Variants in RIMS2 observed in about 807,000 individuals in gnomAD.
RIMS2 encodes the protein regulating synaptic membrane exocytosis 2, also known as regulating synaptic membrane exocytosis protein 2.
A neutral mutation model predicts 174.4 loss-of-function variants in RIMS2; 59 were observed. The ratio of observed to expected loss-of-function variants is 0.34; its 90% CI spans 0.27 to 0.42. The LOEUF is 0.42. Ranked by LOEUF, RIMS2 falls within the 10% of genes least tolerant of loss-of-function variation. The probability of loss-of-function intolerance (pLI) is 1.00; values close to 1 mark genes in which losing one functional copy is unlikely to be tolerated. For missense variants in RIMS2, 1,620 were observed against 1,666.3 expected (o/e 0.97, Z 0.48); for synonymous variants, 606 against 572.5 (o/e 1.06, Z -0.84).
At chr8:103,626,542 G>A (rs560830051) in intron 1 of RIMS2, among the ~76,000 whole-genome samples, 20 of 152,280 alleles carry the variant, frequency 1.3e-4, no homozygotes, top group African/African-American at 4.8e-4. Context: ...CCAAACAGCT[G>A]TTGCACATAA....
At chr8:103,602,850 T>C (rs549504579) in intron 1 of RIMS2, among the ~76,000 whole-genome samples, 2 of 152,330 alleles carry the variant, frequency 1.3e-5, no homozygotes, top group African/African-American at 4.8e-5. Flanking sequence ...GGTCAAATGG[T>C]AATTCTGTTT....
chr8:103,971,482 T>C (rs2092866395), intron 15 of RIMS2, among the ~76,000 whole-genome samples: 1 of 152,196 alleles, frequency 6.6e-6, no homozygotes, highest in African/African-American at 2.4e-5. Context: ...ATTTAATATT[T>C]GACCTACGCA....
At position 104,127,525 on chromosome 8, in the gene RIMS2, C is replaced by T. The variant is rs77104770; in HGVS notation, c.3334+112910C>T. Among the ~76,000 whole-genome samples, 134 of 152,258 alleles carry T rather than the reference C, an allele frequency of 8.8e-4. No homozygotes were observed. In the East Asian group the frequency reaches 0.02, roughly 23 times the overall value. ...TAAGAGTGCAGACTCTGGAACCAGA[C>T]AGTTGGGTTTGAATCCTGGCTCTCC... is the stretch of plus-strand genomic sequence containing the variant. On this transcript the variant is annotated intron_variant, in intron 19 of 23. Coordinates refer to ENST00000504942, the Ensembl canonical transcript of RIMS2.
rs1563829313 is a variant in RIMS2 at position 103,572,384 on chromosome 8, GGTCCATTTTACAGAGCACTGA to G, written c.176+71323_176+71343del. On this transcript the variant is annotated intron_variant, in intron 1 of 23. Transcript: ENST00000504942. ...TGGTCCATTTTACAGAGCACTGATT[GGTCCATTTTACAGAGCACTGA>G]TTGGTCCATTTTACAGAGTGCTGAT... is the stretch of plus-strand genomic sequence containing the variant. 6.1e-3 allele frequency among the ~76,000 whole-genome samples: 930 copies of G among 152,030 alleles called. 10 individuals are homozygous for G. The highest frequency in any genetic ancestry group is 0.021 in the African/African-American group (880 of 41,444).
At chr8:103,822,635 G>A (rs1003107026) in intron 3 of RIMS2, among the ~76,000 whole-genome samples, 1 of 151,778 alleles carries the variant, frequency 6.6e-6, no homozygotes, top group African/African-American at 2.4e-5. Flanking sequence ...CCATTTTAGT[G>A]CATGAAGCAG....
intron 1 of RIMS2, among the ~76,000 whole-genome samples, chr8:103,592,008 A>G (rs910250109): frequency 6.6e-6 from 1 of 151,220 alleles, no homozygotes; most frequent in African/African-American, 2.4e-5. Context: ...ACATTTAACA[A>G]TATTAGAACT....
intron 19 of RIMS2, among the ~76,000 whole-genome samples, chr8:104,098,573 C>T (rs78158206): frequency 0.011 from 1,718 of 152,216 alleles, 22 homozygotes; most frequent in Middle Eastern, 0.11. Flanking sequence ...TCTATAAATG[C>T]TATGGAATTA....
At chr8:103,573,266 G>T (rs763041272) in intron 1 of RIMS2, among the ~76,000 whole-genome samples, 40 of 151,342 alleles carry the variant, frequency 2.6e-4, no homozygotes, top group Non-Finnish European at 5.3e-4. Context: ...GTTTCACTAT[G>T]TTGGCCAGGC....
chr8:103,850,916 A>G (rs1053626745), intron 3 of RIMS2, among the ~76,000 whole-genome samples: 3 of 151,980 alleles, frequency 2.0e-5, no homozygotes, highest in African/African-American at 7.2e-5. Flanking sequence ...ATGTTTTCCT[A>G]TGTTAAATCT....
intron 1 of RIMS2, among the ~76,000 whole-genome samples, chr8:103,529,502 C>T (rs535599097): frequency 2.8e-4 from 42 of 152,302 alleles, no homozygotes; most frequent in Non-Finnish European, 5.9e-4. Context: ...TGGGAGTGAC[C>T]TGATTTTCCA....
intron 15 of RIMS2, among the ~76,000 whole-genome samples, chr8:103,963,326 A>C (rs1234623629): frequency 6.6e-6 from 1 of 152,172 alleles, no homozygotes; most frequent in African/African-American, 2.4e-5. Flanking sequence ...AAATCTATTG[A>C]TAGTTTGTTG....
intron 3 of RIMS2, among the ~76,000 whole-genome samples, chr8:103,793,797 C>T (rs2098524474): frequency 6.6e-6 from 1 of 152,112 alleles, no homozygotes; most frequent in Non-Finnish European, 1.5e-5. Context: ...AACAGACAAA[C>T]AGAGAGCCAA....
chr8:103,947,650 G>A (rs1465526196), intron 14 of RIMS2, among the ~76,000 whole-genome samples: 3 of 152,216 alleles, frequency 2.0e-5, no homozygotes, highest in Non-Finnish European at 4.4e-5. Flanking sequence ...CTTATCATGA[G>A]TGGAGCTTGC....
At chr8:103,853,762 A>G (rs1339579863) in intron 3 of RIMS2, among the ~76,000 whole-genome samples, 1 of 152,108 alleles carries the variant, frequency 6.6e-6, no homozygotes, top group African/African-American at 2.4e-5. Context: ...TTACACAAGT[A>G]CCATGCTGTT....
intron 15 of RIMS2, among the ~76,000 whole-genome samples, chr8:103,969,783 A>G (rs928458493): frequency 5.3e-5 from 8 of 152,040 alleles, no homozygotes; most frequent in Non-Finnish European, 1.2e-4. Context: ...GGACTCGCTC[A>G]GTCGCCCAGG....
In RIMS2 at chr8:104,198,928, A is replaced by C. The variant is rs75516148; in HGVS notation, c.3335-45988A>C. ...TTTTACATGGCAGGGGAACTTTCAT[A>C]AGGAAATGACCCAAAGAAGCACTTA... is the stretch of plus-strand genomic sequence containing the variant. On this transcript the variant is annotated intron_variant, in intron 19 of 23. Coordinates refer to ENST00000504942, the Ensembl canonical transcript of RIMS2. Among the ~76,000 whole-genome samples the C allele has an allele frequency of 1.4e-4, 21 of 152,382 alleles. No individual in the cohort carries two copies. The East Asian group carries it at 2.5e-3, about 18-fold the overall frequency.
At chr8:103,516,849 C>G (rs1013525286) in intron 1 of RIMS2, among the ~76,000 whole-genome samples, 1 of 152,160 alleles carries the variant, frequency 6.6e-6, no homozygotes, top group Non-Finnish European at 1.5e-5. Flanking sequence ...GCTGCTTCTA[C>G]AAAGCCATAT....
Position 103,908,230 on chromosome 8 carries a change from A to G in RIMS2, c.1625-1904A>G, listed in dbSNP as rs574324675. On this transcript the variant is annotated intron_variant, in intron 4 of 23. Coordinates refer to ENST00000504942, the Ensembl canonical transcript of RIMS2. ...CTAATTTTTTGTATTTTTAGTAGAGATGGGACTTTACCATGTTGGCCAGGA... is the reference window on the plus strand; with the variant it reads ...CTAATTTTTTGTATTTTTAGTAGAGGTGGGACTTTACCATGTTGGCCAGGA... 8.6e-5 allele frequency among the ~76,000 whole-genome samples: 13 copies of G among 151,916 alleles called. No individual in the cohort carries two copies. In the South Asian group the frequency reaches 1.0e-3, roughly 12 times the overall value.
intron 3 of RIMS2, among the ~76,000 whole-genome samples, chr8:103,809,295 A>G (rs2098671280): frequency 6.6e-6 from 1 of 151,614 alleles, no homozygotes; most frequent in Middle Eastern, 3.2e-3. Flanking sequence ...CTTCCTCTGA[A>G]CTTCTGAACT....
Sources: allele counts gnomAD v4.1 joint callset (sites outside exome capture counted in the v4.1 genomes callset), GRCh38; gene constraint gnomAD v4.1.1; transcripts MANE v1.5; gene names NCBI Gene and HGNC (gene_info 2026-07-23, HGNC 2026-07-21).